The following GALNT15 variants were observed in gnomAD, a reference collection of about 807,000 sequenced individuals.
GALNT15 encodes UDP-GalNAc transferase T15.
A neutral mutation model predicts 66.8 loss-of-function variants in GALNT15; 67 were observed. The observed-to-expected ratio is 1.00, with a 90% CI of 0.82 to 1.23. The LOEUF (loss-of-function observed/expected upper bound fraction) is 1.23, where lower values mean the gene tolerates loss of function less well. GALNT15 is among the 50% of genes most tolerant of loss of function. The pLI is 0.00. For synonymous variants in GALNT15, 313 were observed against 311.5 expected (o/e 1.00, Z -0.05); for missense variants, 827 against 804.3 (o/e 1.03, Z -0.34).
At chr3:16,240,314 G>A in the GALNT15 span, among the ~76,000 whole-genome samples, 1 of 152,144 alleles carries the variant, frequency 6.6e-6, no homozygotes, top group Non-Finnish European at 1.5e-5. Flanking sequence ...ATTTACCAAG[G>A]TCACACCTCT....
At chr3:16,243,960 G>A in the GALNT15 span, 22 of 980,926 alleles carry the variant, frequency 2.2e-5, no homozygotes, top group African/African-American at 3.5e-5. Context: ...AGTAAGGAGC[G>A]GGCTCCAGTC....
At chr3:16,202,284 A>G (rs927748577) in intron 3 of GALNT15, among the ~76,000 whole-genome samples, 1 of 152,244 alleles carries the variant, frequency 6.6e-6, no homozygotes, top group Non-Finnish European at 1.5e-5. Flanking sequence ...CTCACATCTC[A>G]TAAGAAAAGA....
intron 6 of GALNT15, among the ~76,000 whole-genome samples, chr3:16,216,660 C>T (rs562447602): frequency 6.6e-6 from 1 of 152,194 alleles, no homozygotes; most frequent in African/African-American, 2.4e-5. Context: ...CCCTTTTTCC[C>T]TGATTCTTCC....
In GALNT15 at chr3:16,187,796, T is replaced by C. The variant is rs1425671329; in HGVS notation, c.540-7964T>C. Reference sequence around the variant, plus strand: ...GGAATAAATGTAATAATTCTTGTAATAATTCATGCTGCTAAAGCACAGCAC... The same window carrying C: ...GGAATAAATGTAATAATTCTTGTAACAATTCATGCTGCTAAAGCACAGCAC... On this transcript the variant is annotated intron_variant, in intron 1 of 9. Transcript: ENST00000339732. This position sits in a 1 kb window ranked among gnomAD's most constrained non-coding sequence, Gnocchi z 5.1. Among the ~76,000 whole-genome samples, 2 of 152,226 alleles carry C rather than the reference T, an allele frequency of 1.3e-5. No homozygotes were observed. Among genetic ancestry groups the C allele is most frequent in the Admixed American group, 1.3e-4 (2 of 15,286 alleles).
At chr3:16,218,017 G>A (rs1307781409) in intron 6 of GALNT15, among the ~76,000 whole-genome samples, 1 of 152,204 alleles carries the variant, frequency 6.6e-6, no homozygotes, top group Non-Finnish European at 1.5e-5. Context: ...GACTCACCAG[G>A]AGACATGGTT....
At chr3:16,216,907 T>G (rs1040306347) in intron 6 of GALNT15, among the ~76,000 whole-genome samples, 6 of 152,192 alleles carry the variant, frequency 3.9e-5, no homozygotes, top group African/African-American at 1.4e-4. Context: ...TTCAGGTTTT[T>G]CTATCTGTTG....
At chr3:16,223,244 A>G (rs889199885) in intron 9 of GALNT15, among the ~76,000 whole-genome samples, 2 of 152,130 alleles carry the variant, frequency 1.3e-5, no homozygotes, top group Non-Finnish European at 2.9e-5. Flanking sequence ...TTTTAGTAAA[A>G]TTTTGACCCC....
chr3:16,215,915 A>AAAACAAAC (rs2063867864), intron 6 of GALNT15, among the ~76,000 whole-genome samples: 1 of 151,168 alleles, frequency 6.6e-6, no homozygotes, highest in East Asian at 1.9e-4. Flanking sequence ...CCAAAAAAAA[A>AAAACAAAC]AAAAAAAAAA....
rs1316635306 is a variant in GALNT15, at chr3:16,180,696, TC to T, written c.539+5007del. Among the ~76,000 whole-genome samples, 1 of 151,830 alleles carries T rather than the reference TC, an allele frequency of 6.6e-6. No individual in the cohort carries two copies. Among genetic ancestry groups the T allele is most frequent in the Non-Finnish European group, 1.5e-5 (1 of 68,006 alleles). On this transcript the variant is annotated intron_variant, in intron 1 of 9. Transcript: ENST00000339732. The surrounding 1 kb of genome is among the most constrained non-coding windows in gnomAD (Gnocchi z 5.0). ...TTCCACGTAGGAAGCAATACTAGAG[TC>T]AGAAAATAGAAAAGAGAGCAGAGAG...
rs1407202324 is a variant in GALNT15, at chr3:16,230,085, A to G, written c.*2585A>G. On this transcript the variant is annotated 3_prime_UTR_variant, in exon 10 of 10. Coordinates refer to ENST00000339732, the MANE Select transcript of GALNT15 (RefSeq NM_054110.5). This position sits in a 1 kb window ranked among gnomAD's most constrained non-coding sequence, Gnocchi z 4.5. ...AGTTGAGAGATCTGATTCCCAAGAG[A>G]TTGGTTTCACTTGTCTACCTGAATT... Among the ~76,000 whole-genome samples the G allele has an allele frequency of 6.6e-6, 1 of 152,144 alleles. No individual in the cohort carries two copies. The highest frequency in any genetic ancestry group is 1.5e-5 in the Non-Finnish European group (1 of 68,020).
In GALNT15 at chr3:16,191,340, A is replaced by G. The variant is rs2063575650; in HGVS notation, c.540-4420A>G. On this transcript the variant is annotated intron_variant, in intron 1 of 9. Transcript: ENST00000339732. This position sits in a 1 kb window ranked among gnomAD's most constrained non-coding sequence, Gnocchi z 5.2. ...GAGGTACCTCTTGTAGTAATGGGAC[A>G]TCTGTTAATAATGGCAGCAAACGCA... The G allele has an allele frequency of 1.0e-6, 1 of 985,130 alleles. No homozygotes were observed. The highest frequency in any genetic ancestry group is 4.7e-5 in the South Asian group (1 of 21,278). 61.0% of individuals were successfully genotyped at this position (985,130 alleles called of 1,614,324 possible). A position where few individuals can be genotyped will look rare whatever the true frequency, so the allele number is the denominator to read the frequency against.
At chr3:16,241,545 T>A in the GALNT15 span, among the ~76,000 whole-genome samples, 1 of 151,770 alleles carries the variant, frequency 6.6e-6, no homozygotes, top group Non-Finnish European at 1.5e-5. This position sits in a 1 kb window ranked among gnomAD's most constrained non-coding sequence, Gnocchi z 4.6. Flanking sequence ...AACAGCAACT[T>A]TTTTTTCTTT....
At chr3:16,222,925 C>G (rs2063962276) in intron 9 of GALNT15, among the ~76,000 whole-genome samples, 167 bp downstream of exon 9, 1 of 152,132 alleles carries the variant, frequency 6.6e-6, no homozygotes, top group Non-Finnish European at 1.5e-5. Context: ...AAAAGGCAAC[C>G]CAGCAGCAAA....
At chr3:16,245,664 C>T in the GALNT15 span, among the ~76,000 whole-genome samples, 2 of 152,212 alleles carry the variant, frequency 1.3e-5, no homozygotes, top group African/African-American at 4.8e-5. Context: ...TGAAGCATCA[C>T]ATGAAATTGA....
downstream of GALNT15, among the ~76,000 whole-genome samples, chr3:16,233,132 G>A (rs1184286808): frequency 2.3e-5 from 1 of 44,186 alleles, no homozygotes; most frequent in African/African-American, 8.9e-5. Context: ...GTCTGGCTGT[G>A]TCACCCAGGC....
intron 6 of GALNT15, among the ~76,000 whole-genome samples, chr3:16,215,220 A>G (rs934651900): frequency 2.6e-5 from 4 of 152,244 alleles, no homozygotes; most frequent in African/African-American, 7.2e-5. Flanking sequence ...CTGTGAATAT[A>G]TACTTTGTTC....
chr3:16,211,917 G>T lies in GALNT15; in HGVS notation c.1198-652G>T, dbSNP rs989275830. Among the ~76,000 whole-genome samples the T allele has an allele frequency of 6.6e-6, 1 of 152,174 alleles. No individual in the cohort carries two copies. The highest frequency in any genetic ancestry group is 1.9e-4 in the East Asian group (1 of 5,196). On this transcript the variant is annotated intron_variant, in intron 5 of 9. Coordinates refer to ENST00000339732, the MANE Select transcript of GALNT15 (RefSeq NM_054110.5). This position sits in a 1 kb window ranked among gnomAD's most constrained non-coding sequence, Gnocchi z 4.3. ...CCCCAGACCCTATGAGTTTGCTGTG[G>T]CACCCTGGGGCACCTTGGCACATAA...
intron 1 of GALNT15, among the ~76,000 whole-genome samples, chr3:16,192,774 G>C (rs1471089441): frequency 6.6e-6 from 1 of 152,190 alleles, no homozygotes; most frequent in African/African-American, 2.4e-5. Flanking sequence ...TTCCATTTTG[G>C]ACATGTTATT....
chr3:16,185,151 T>C (rs2063505080), intron 1 of GALNT15, among the ~76,000 whole-genome samples: 2 of 152,192 alleles, frequency 1.3e-5, no homozygotes, highest in African/African-American at 4.8e-5. Context: ...AAATATCTGT[T>C]AAATGACTTG....
Sources: allele counts gnomAD v4.1 joint callset (sites outside exome capture counted in the v4.1 genomes callset), GRCh38; gene constraint gnomAD v4.1.1; non-coding constraint Gnocchi (gnomAD v3.1); transcripts MANE v1.5; gene names NCBI Gene and HGNC (gene_info 2026-07-23, HGNC 2026-07-21).